Variants in PIP5K1A observed in about 807,000 individuals in gnomAD.
PIP5K1A encodes the protein phosphatidylinositol-4-phosphate 5-kinase type 1 alpha, also known as phosphatidylinositol 4-phosphate 5-kinase type-1 alpha.
In PIP5K1A, 46 loss-of-function variants were observed where a neutral mutation model predicts 72.9. That is an observed-to-expected ratio of 0.63 (90% CI 0.50 to 0.81). The LOEUF (loss-of-function observed/expected upper bound fraction) is 0.81. Ranked by LOEUF, PIP5K1A falls within the 30% of genes least tolerant of loss-of-function variation. The probability of loss-of-function intolerance (pLI) is 0.00; values close to 1 mark genes in which losing one functional copy is unlikely to be tolerated. For synonymous variants in PIP5K1A, 228 were observed against 255.1 expected (o/e 0.89, Z 1.01); for missense variants, 458 against 706.1 (o/e 0.65, Z 3.98).
upstream of PIP5K1A, among the ~76,000 whole-genome samples, chr1:151,196,631 C>A (rs1199913098): frequency 6.8e-6 from 1 of 146,330 alleles, no homozygotes; most frequent in African/African-American, 2.5e-5. Flanking sequence ...CTCGGCTCAC[C>A]GAAACGTCTG....
At chr1:151,198,436 G>A (rs750562421), upstream of PIP5K1A, 2 of 239,826 alleles carry the variant, frequency 8.3e-6, no homozygotes, top group Non-Finnish European at 1.7e-5. Context: ...GACTCGTCAG[G>A]GCGTGAGGAC....
At chr1:151,213,054 C>G (rs964166229) in intron 1 of PIP5K1A, among the ~76,000 whole-genome samples, 3 of 151,914 alleles carry the variant, frequency 2.0e-5, no homozygotes, top group Non-Finnish European at 4.4e-5. Flanking sequence ...CCACGCCCGG[C>G]TATTTTATTT....
At chr1:151,216,718 A>G (rs891616314) in intron 1 of PIP5K1A, among the ~76,000 whole-genome samples, 2 of 152,214 alleles carry the variant, frequency 1.3e-5, no homozygotes, top group African/African-American at 4.8e-5. Flanking sequence ...GCTAGAATTT[A>G]TAGGCATTTA....
chr1:151,220,796 C>T (rs889290467), intron 1 of PIP5K1A, among the ~76,000 whole-genome samples: 1 of 152,144 alleles, frequency 6.6e-6, no homozygotes, highest in African/African-American at 2.4e-5. Context: ...CAGCATTTTG[C>T]CAATCTTGCA....
chr1:151,242,834 G>A (rs74125905), intron 14 of PIP5K1A, among the ~76,000 whole-genome samples: 3,033 of 152,198 alleles, frequency 0.02, 103 homozygotes, highest in African/African-American at 0.068. Flanking sequence ...CTGCTTTTAA[G>A]CTTATTTATG....
intron 1 of PIP5K1A, among the ~76,000 whole-genome samples, chr1:151,211,501 A>G (rs1179627432): frequency 2.7e-5 from 4 of 149,934 alleles, no homozygotes; most frequent in Non-Finnish European, 4.4e-5. Flanking sequence ...AAAAAACTTA[A>G]AAGATATTTT....
intron 1 of PIP5K1A, among the ~76,000 whole-genome samples, chr1:151,214,748 T>C (rs927975339): frequency 6.6e-6 from 1 of 151,990 alleles, no homozygotes; most frequent in African/African-American, 2.4e-5. Flanking sequence ...ATCTACCTTG[T>C]GACTGTCGCC....
At chr1:151,209,033 C>CT (rs1223884492) in intron 1 of PIP5K1A, among the ~76,000 whole-genome samples, 179 of 141,416 alleles carry the variant, frequency 1.3e-3, no homozygotes, top group East Asian at 2.7e-3. Flanking sequence ...CGCCTGGCCG[C>CT]TTTTTTTTTT....
At chr1:151,209,031 C>T (rs1421160214) in intron 1 of PIP5K1A, among the ~76,000 whole-genome samples, 1 of 150,108 alleles carries the variant, frequency 6.7e-6, no homozygotes, top group Non-Finnish European at 1.5e-5. Flanking sequence ...TGCGCCTGGC[C>T]GCTTTTTTTT....
intron 3 of PIP5K1A, among the ~76,000 whole-genome samples, chr1:151,224,767 G>A (rs1298480500): frequency 6.6e-6 from 1 of 152,188 alleles, no homozygotes; most frequent in Non-Finnish European, 1.5e-5. Context: ...TTTTAGCCAT[G>A]CAGAAGCTGT....
upstream of PIP5K1A, among the ~76,000 whole-genome samples, chr1:151,195,759 A>T (rs949320332): frequency 6.6e-6 from 1 of 151,706 alleles, no homozygotes; most frequent in Admixed American, 6.6e-5. Flanking sequence ...AAATAAAATA[A>T]AATGGAATTC....
chr1:151,209,250 A>G (rs1558241304), intron 1 of PIP5K1A, among the ~76,000 whole-genome samples: 1 of 151,820 alleles, frequency 6.6e-6, no homozygotes, highest in Non-Finnish European at 1.5e-5. Flanking sequence ...TTTTTGTTCT[A>G]TTATATTGTA....
At chr1:151,246,229 A>T (rs1034494746) in intron 14 of PIP5K1A, among the ~76,000 whole-genome samples, 16 of 152,310 alleles carry the variant, frequency 1.1e-4, no homozygotes, top group African/African-American at 3.8e-4. Context: ...CCTGGGCGAC[A>T]GAGCGAGATC....
chr1:151,229,613 G>A (rs1455120876), intron 4 of PIP5K1A, among the ~76,000 whole-genome samples: 1 of 150,696 alleles, frequency 6.6e-6, no homozygotes, highest in Non-Finnish European at 1.5e-5. Flanking sequence ...TGCCTGTCTC[G>A]GCCTCCCAAA....
At chr1:151,220,463 T>TA (rs1688257540) in intron 1 of PIP5K1A, among the ~76,000 whole-genome samples, 1 of 152,016 alleles carries the variant, frequency 6.6e-6, no homozygotes, top group Admixed American at 6.6e-5. Flanking sequence ...TCCATATACT[T>TA]ACCACCTAGC....
chr1:151,226,317 C>T (rs1689124499), intron 3 of PIP5K1A, among the ~76,000 whole-genome samples: 1 of 151,826 alleles, frequency 6.6e-6, no homozygotes, highest in South Asian at 2.1e-4. Context: ...GAACTCCTGA[C>T]CTCGTGATCC....
chr1:151,211,353 G>A (rs1686766579), intron 1 of PIP5K1A, among the ~76,000 whole-genome samples: 1 of 152,084 alleles, frequency 6.6e-6, no homozygotes, highest in Non-Finnish European at 1.5e-5. Context: ...TGGGCATGGC[G>A]ATGTGTGCCT....
chr1:151,239,652 C>G (rs1691400011), intron 11 of PIP5K1A, among the ~76,000 whole-genome samples: 1 of 152,100 alleles, frequency 6.6e-6, no homozygotes, highest in Non-Finnish European at 1.5e-5. Flanking sequence ...CTCAGCCTCC[C>G]ATGTAGCTGG....
At chr1:151,236,535 T>C in intron 8 of PIP5K1A, 23 bp from the exon 9 acceptor site, 1 of 1,492,736 alleles carries the variant, frequency 6.7e-7, no homozygotes, top group Non-Finnish European at 9.3e-7. Flanking sequence ...AAGGCTCAGA[T>C]CATGTTTTTT....
Sources: allele counts gnomAD v4.1 joint callset (sites outside exome capture counted in the v4.1 genomes callset), GRCh38; gene constraint gnomAD v4.1.1; transcripts MANE v1.5; gene names NCBI Gene and HGNC (gene_info 2026-07-23, HGNC 2026-07-21).